SVIL: variants seen among roughly 807,000 people sequenced by gnomAD.
SVIL encodes supervillin.
In SVIL, 101 loss-of-function variants were observed where a neutral mutation model predicts 240.4. The ratio of observed to expected loss-of-function variants is 0.42; its 90% confidence interval spans 0.36 to 0.50. The LOEUF (loss-of-function observed/expected upper bound fraction) is 0.50. Among genes scored for constraint, SVIL ranks in the 20% least tolerant of loss-of-function variants. SVIL has a pLI of 0.01. For synonymous variants in SVIL, 999 were observed against 1,100.0 expected, an observed-to-expected ratio of 0.91 and a Z score of 1.82; for missense variants, 2,512 against 2,818.7, an observed-to-expected ratio of 0.89 and a Z score of 2.46.
rs545951295 is a variant in SVIL, at chr10:29,735,636, G to T, written c.-400+115C>A. The T allele has an allele frequency of 1.3e-4, 19 of 151,768 alleles. No homozygotes were observed. Among genetic ancestry groups the T allele is most frequent in the African/African-American group, 4.6e-4 (19 of 41,480 alleles). The allele number at this position is 151,768 out of a possible 1,614,324, so 9.4% of individuals were successfully genotyped here. A position where few individuals can be genotyped will look rare whatever the true frequency, so the allele number is the denominator to read the frequency against. ...TCCCCGGCAGGGCCTCCCGCAGCCA[G>T]AGCGAGACTGACCCGCGCCTCCCGC... On this transcript the variant is annotated intron_variant, in intron 1 of 35. Transcript: ENST00000375400. The surrounding 1 kb of genome is among the most constrained non-coding windows in gnomAD (Gnocchi z 4.1).
chr10:29,481,831 C>T (rs1421131504), intron 27 of SVIL, 103 bp from the exon 28 acceptor site: 13 of 1,080,766 alleles, frequency 1.2e-5, no homozygotes, highest in Admixed American at 2.3e-5. Flanking sequence ...CTGGAAAAAA[C>T]CTCAAAGTAC....
intron 2 of SVIL, 98 bp from the exon 3 acceptor site, chr10:29,563,390 T>C (rs1564646150): frequency 5.3e-6 from 2 of 374,790 alleles, no homozygotes; most frequent in Admixed American, 1.3e-4. Flanking sequence ...TTACACATCA[T>C]TCAATATGTA....
At chr10:29,464,775 G>C (rs1034351336) in intron 34 of SVIL, among the ~76,000 whole-genome samples, 2 of 151,504 alleles carry the variant, frequency 1.3e-5, no homozygotes, top group African/African-American at 4.9e-5. Context: ...TGCAAGATGA[G>C]GTCCCTGGCT....
chr10:29,532,033 T>C lies in SVIL; in HGVS notation c.1978A>G (p.Ile660Val). ...KTSERFRTQP[I>V]TSAERKESDR... The stretch of plus-strand genomic sequence containing the variant: ...GATTCCTTTCGTTCTGCTGAAGTTA[T>C]AGGTTGGGTTCTAAATCTCTCGGAA... The change falls in exon 9 of 38, where the codon ATA (isoleucine) becomes GTA (valine). Residue 660 changes from isoleucine (I) to valine (V), a missense_variant. Physicochemically the swap from Ile to Val is conservative, Grantham distance 29. Around this residue, in one of 3 missense-constraint regions of SVIL, gnomAD observed 1,443 missense variants for 1,486.6 expected, o/e 0.97. Coordinates refer to ENST00000355867, the MANE Select transcript of SVIL (RefSeq NM_021738.3). 1 of 1,614,204 alleles carries C rather than the reference T, an allele frequency of 6.2e-7. No individual in the cohort carries two copies. The highest frequency in any genetic ancestry group is 8.5e-7 in the Non-Finnish European group (1 of 1,180,026).
chr10:29,644,156 T>G (rs1237242506), intron 3 of SVIL, among the ~76,000 whole-genome samples: 2 of 152,154 alleles, frequency 1.3e-5, no homozygotes, highest in Non-Finnish European at 2.9e-5. Context: ...AATGGGGACA[T>G]GAGCTGACGG....
At chr10:29,528,591 T>G (rs150163664) in intron 12 of SVIL, among the ~76,000 whole-genome samples, 42 of 151,710 alleles carry the variant, frequency 2.8e-4, no homozygotes, top group African/African-American at 1.0e-3. Context: ...ATACAAAAAT[T>G]AGCCAGGTGT....
intron 1 of SVIL, among the ~76,000 whole-genome samples, chr10:29,701,605 A>G (rs186841610): frequency 5.9e-5 from 9 of 152,324 alleles, no homozygotes; most frequent in Admixed American, 3.9e-4. Context: ...AAAAAATTGT[A>G]TCTAGTAATA....
chr10:29,680,871 A>G (rs1960585554), intron 2 of SVIL, among the ~76,000 whole-genome samples: 1 of 152,052 alleles, frequency 6.6e-6, no homozygotes, highest in Non-Finnish European at 1.5e-5. Context: ...GTGAGCTGAG[A>G]TCATACCACT....
intron 34 of SVIL, 126 bp from the exon 35 acceptor site, chr10:29,463,761 G>A (rs1944551814): frequency 7.3e-7 from 1 of 1,371,934 alleles, no homozygotes; most frequent in African/African-American, 1.5e-5. Context: ...AACCCCCTTG[G>A]CCATCAAACC....
intron 29 of SVIL, among the ~76,000 whole-genome samples, chr10:29,477,649 G>C (rs1458884249): frequency 3.3e-5 from 5 of 152,242 alleles, no homozygotes; most frequent in Admixed American, 1.3e-4. Context: ...CTTCCGCGTT[G>C]GTTACGGAGT....
At chr10:29,625,486 C>T (rs550987896) in intron 1 of SVIL, among the ~76,000 whole-genome samples, 32 of 151,918 alleles carry the variant, frequency 2.1e-4, no homozygotes, top group African/African-American at 6.3e-4. Context: ...TTTTTTGAGA[C>T]GGAGTCTCAC....
intron 1 of SVIL, among the ~76,000 whole-genome samples, chr10:29,706,916 T>C (rs1017832868): frequency 1.3e-5 from 2 of 152,186 alleles, no homozygotes; most frequent in Non-Finnish European, 2.9e-5. Flanking sequence ...ACTGCTTTTT[T>C]GTTGTTTGGT....
At chr10:29,546,823 A>C (rs953724321) in intron 6 of SVIL, among the ~76,000 whole-genome samples, 35 of 152,286 alleles carry the variant, frequency 2.3e-4, no homozygotes, top group Admixed American at 2.3e-3. Flanking sequence ...AATGGGAATG[A>C]GTTGATTCAG....
intron 6 of SVIL, among the ~76,000 whole-genome samples, chr10:29,545,853 C>CAAAAAAAAAAAAAAAAAAAAAAAAAAAAA (rs755360700): frequency 3.1e-5 from 2 of 63,568 alleles, no homozygotes; most frequent in Admixed American, 1.5e-4. Flanking sequence ...GACTCTGTCT[C>CAAAAAAAAAAAAAAAAAAAAAAAAAAAAA]AAAAAAAAAA....
At chr10:29,517,441 AAAAAAG>A (rs548560723) in intron 16 of SVIL, among the ~76,000 whole-genome samples, 9 of 152,048 alleles carry the variant, frequency 5.9e-5, no homozygotes, top group African/African-American at 2.2e-4. Flanking sequence ...AAATAAAAGA[AAAAAAG>A]AAAAAGAAAA....
intron 1 of SVIL, among the ~76,000 whole-genome samples, chr10:29,625,329 C>T (rs537525195): frequency 2.6e-5 from 4 of 152,314 alleles, no homozygotes; most frequent in African/African-American, 9.6e-5. Flanking sequence ...TTGATATCAA[C>T]ATCAACCTTT....
intron 3 of SVIL, among the ~76,000 whole-genome samples, chr10:29,647,530 C>A (rs544136049): frequency 1.5e-4 from 23 of 152,220 alleles, no homozygotes; most frequent in Non-Finnish European, 2.6e-4. Flanking sequence ...AAAATTAAGA[C>A]TTGTTCCAGT....
rs1030032615 is a variant in SVIL, at chr10:29,624,882, G to A, written c.-201+9538C>T. 3.0e-4 allele frequency among the ~76,000 whole-genome samples: 45 copies of A among 152,154 alleles called. 1 individual carries two copies. The highest frequency in any genetic ancestry group is 1.5e-5 in the Non-Finnish European group (1 of 68,034). ...GAATAAATTGTAATTTACTTTTAAT[G>A]AAATAATTATCTTGTGAAGGACAAA... On this transcript the variant is annotated intron_variant, in intron 1 of 37. Transcript: ENST00000355867.
chr10:29,555,260 T>C (rs887065087), intron 3 of SVIL, among the ~76,000 whole-genome samples, 152 bp from the exon 4 acceptor site: 5 of 152,056 alleles, frequency 3.3e-5, no homozygotes, highest in African/African-American at 1.2e-4. Context: ...CCTGCTTTCT[T>C]GGAAACTGTT....
Sources: gnomAD v4.1 joint callset for allele counts (sites outside exome capture counted in the v4.1 genomes callset) on GRCh38, gnomAD v4.1.1 for gene constraint, gnomAD v4.1.1 regional missense constraint, Gnocchi (gnomAD v3.1) non-coding constraint, MANE v1.5 for transcripts, NCBI Gene and HGNC (gene_info 2026-07-23, HGNC 2026-07-21) for gene names.